Variants in CRYBG1 observed in about 807,000 individuals in gnomAD.
CRYBG1 encodes the protein crystallin beta-gamma domain containing 1.
In CRYBG1, 139 loss-of-function variants were observed where a neutral mutation model predicts 189.2. The ratio of observed to expected loss-of-function variants is 0.73; its 90% CI spans 0.64 to 0.85. CRYBG1 has a LOEUF of 0.85. CRYBG1 is among the 40% of genes least tolerant of loss of function. CRYBG1 has a pLI of 0.00. For synonymous variants in CRYBG1, 1,023 were observed against 1,017.1 expected (o/e 1.01, Z -0.11); for missense variants, 2,611 against 2,675.8 (o/e 0.98, Z 0.53).
intron 2 of CRYBG1, among the ~76,000 whole-genome samples, chr6:106,500,093 A>G (rs1245726826): frequency 6.6e-6 from 1 of 152,226 alleles, no homozygotes; most frequent in South Asian, 2.1e-4. Context: ...GGTTGATTCC[A>G]TATCTTGGCT....
intron 1 of CRYBG1, among the ~76,000 whole-genome samples, chr6:106,446,141 C>T (rs766189582): frequency 1.3e-5 from 2 of 152,202 alleles, no homozygotes; most frequent in Admixed American, 6.5e-5. Flanking sequence ...GGTATGTGTC[C>T]GTAATCTAAT....
chr6:106,386,987 A>G (rs139782013), intron 1 of CRYBG1, among the ~76,000 whole-genome samples: 1 of 152,080 alleles, frequency 6.6e-6, no homozygotes, highest in East Asian at 1.9e-4. Context: ...TATTTCATCT[A>G]CTCTCTTTTC....
chr6:106,558,240 T>C (rs1231964675), intron 17 of CRYBG1, among the ~76,000 whole-genome samples: 3 of 149,686 alleles, frequency 2.0e-5, no homozygotes, highest in African/African-American at 7.4e-5. Flanking sequence ...CTTTTTTTTT[T>C]CCCCCTGTTT....
At chr6:106,567,367 G>A (rs1426152963) in intron 21 of CRYBG1, among the ~76,000 whole-genome samples, 1 of 152,172 alleles carries the variant, frequency 6.6e-6, no homozygotes, top group East Asian at 1.9e-4. Context: ...ATCTAGCTGT[G>A]TAGAGGCTGT....
chr6:106,446,230 C>T (rs770515668), intron 1 of CRYBG1, among the ~76,000 whole-genome samples: 1 of 152,162 alleles, frequency 6.6e-6, no homozygotes, highest in African/African-American at 2.4e-5. Flanking sequence ...AGTAAAGAAA[C>T]ACCATGCACA....
chr6:106,527,484 A>C lies in CRYBG1; in HGVS notation c.4578+14A>C. Reference sequence around the variant, plus strand: ...CATGTGGTTCAGGTAGGTTGTGGTAAATATGGATTTTATTTATTCAGCTAA... The same window carrying C: ...CATGTGGTTCAGGTAGGTTGTGGTACATATGGATTTTATTTATTCAGCTAA... On this transcript the variant is annotated intron_variant, in intron 7 of 21. Transcript: ENST00000633556. The C allele has an allele frequency of 1.3e-6, 2 of 1,597,946 alleles. No individual in the cohort carries two copies. Among genetic ancestry groups the C allele is most frequent in the Non-Finnish European group, 1.7e-6 (2 of 1,173,558 alleles).
At chr6:106,416,521 G>C (rs969043899) in intron 1 of CRYBG1, among the ~76,000 whole-genome samples, 3 of 152,198 alleles carry the variant, frequency 2.0e-5, no homozygotes, top group African/African-American at 7.2e-5. Context: ...TGGTTCTGCT[G>C]TATGTTAGTA....
At chr6:106,434,430 T>A (rs1771416783) in intron 1 of CRYBG1, among the ~76,000 whole-genome samples, 1 of 152,188 alleles carries the variant, frequency 6.6e-6, no homozygotes, top group African/African-American at 2.4e-5. Context: ...TTTAAGTTTA[T>A]CCAGGATTGG....
At chr6:106,545,986 C>A (rs1774259516) in intron 13 of CRYBG1, among the ~76,000 whole-genome samples, 1 of 152,164 alleles carries the variant, frequency 6.6e-6, no homozygotes, top group Non-Finnish European at 1.5e-5. Flanking sequence ...GGCCCCAGCT[C>A]ATTTCTTGCA....
At chr6:106,439,046 A>T (rs893319392) in intron 1 of CRYBG1, among the ~76,000 whole-genome samples, 4 of 73,072 alleles carry the variant, frequency 5.5e-5, no homozygotes, top group Admixed American at 1.6e-4. Context: ...TTTACTTAAA[A>T]AATGAAAAAA....
At chr6:106,560,766 G>A in intron 18 of CRYBG1, 37 bp from the exon 19 acceptor site, 1 of 1,586,240 alleles carries the variant, frequency 6.3e-7, no homozygotes, top group South Asian at 1.1e-5. Context: ...ACTGTCAAAT[G>A]AAAATTGCCA....
In CRYBG1 at chr6:106,525,384, A is replaced by C; in HGVS notation, c.4410A>C (p.Gly1470=). Residue 1470 remains glycine, a splice_region_variant and synonymous_variant, in exon 6 of 22, where the codon GGA becomes GGC. Transcript: ENST00000633556. ...TGATACTCATAAAAGTTGTTAGAGGATGGTAAGAATGGCACTTTAAGTTCC... is the reference window on the plus strand; with the variant it reads ...TGATACTCATAAAAGTTGTTAGAGGCTGGTAAGAATGGCACTTTAAGTTCC... ...SPVILIKVVR[G]CWILYEQPNF... 1 of 1,609,426 alleles carries C rather than the reference A, an allele frequency of 6.2e-7. No individual in the cohort carries two copies. Among genetic ancestry groups the C allele is most frequent in the Non-Finnish European group, 8.5e-7 (1 of 1,175,742 alleles).
chr6:106,421,902 G>C (rs1771129621), intron 1 of CRYBG1, among the ~76,000 whole-genome samples: 1 of 151,006 alleles, frequency 6.6e-6, no homozygotes, highest in Non-Finnish European at 1.5e-5. Context: ...AAAAGAGCTT[G>C]TGCAAGGAAA....
chr6:106,565,581 A>C (rs1774859479), intron 21 of CRYBG1, among the ~76,000 whole-genome samples: 1 of 152,160 alleles, frequency 6.6e-6, no homozygotes, highest in South Asian at 2.1e-4. Context: ...GCCTTCATTA[A>C]AGGGGGCACT....
chr6:106,488,398 G>A (rs1235623898), intron 2 of CRYBG1, among the ~76,000 whole-genome samples: 1 of 152,194 alleles, frequency 6.6e-6, no homozygotes, highest in Non-Finnish European at 1.5e-5. Context: ...TTCCTGTGGT[G>A]CAGGGCCATC....
At chr6:106,443,124 G>A (rs1771596309) in intron 1 of CRYBG1, among the ~76,000 whole-genome samples, 1 of 152,224 alleles carries the variant, frequency 6.6e-6, no homozygotes, top group African/African-American at 2.4e-5. Context: ...TGGTTGGAAT[G>A]CACAAGAGTA....
At chr6:106,407,725 T>TA (rs917970168) in intron 1 of CRYBG1, among the ~76,000 whole-genome samples, 1 of 152,096 alleles carries the variant, frequency 6.6e-6, no homozygotes, top group Non-Finnish European at 1.5e-5. Flanking sequence ...AAACTCACTC[T>TA]AAAAAACACA....
At chr6:106,454,659 A>C (rs1771848705) in intron 2 of CRYBG1, among the ~76,000 whole-genome samples, 1 of 152,240 alleles carries the variant, frequency 6.6e-6, no homozygotes, top group Non-Finnish European at 1.5e-5. Context: ...TTTAATTTGC[A>C]TTATAGCTAG....
Position 106,481,630 on chromosome 6 carries a change from C to A in CRYBG1, c.312+29798C>A, listed in dbSNP as rs570548553. On this transcript the variant is annotated intron_variant, in intron 2 of 21. Coordinates refer to ENST00000633556, the MANE Select transcript of CRYBG1 (RefSeq NM_001371242.2). ...CCTAGATGGACTGCATCAACCAGTTCTCTCTCATTGATCGGCAGGCTTCCT... is the reference window on the plus strand; with the variant it reads ...CCTAGATGGACTGCATCAACCAGTTATCTCTCATTGATCGGCAGGCTTCCT... Among the ~76,000 whole-genome samples the A allele has an allele frequency of 2.6e-5, 4 of 152,320 alleles. No homozygotes were observed. The South Asian group carries it at 8.3e-4, about 32-fold the overall frequency.
Sources: gnomAD v4.1 joint callset for allele counts (sites outside exome capture counted in the v4.1 genomes callset) on GRCh38, gnomAD v4.1.1 for gene constraint, MANE v1.5 for transcripts, NCBI Gene and HGNC (gene_info 2026-07-23, HGNC 2026-07-21) for gene names.